Variants in SLC16A1 observed in about 807,000 individuals in gnomAD.
SLC16A1 encodes the protein monocarboxylate transporter 1.
In SLC16A1, 11 loss-of-function variants were observed where a neutral mutation model predicts 32.2. The ratio of observed to expected loss-of-function variants is 0.34; its 90% CI spans 0.21 to 0.56. The LOEUF (loss-of-function observed/expected upper bound fraction) is 0.56, where lower values mean the gene tolerates loss of function less well. Ranked by LOEUF, SLC16A1 falls within the 20% of genes least tolerant of loss-of-function variation. The probability of loss-of-function intolerance (pLI) is 0.87; values close to 1 mark genes in which losing one functional copy is unlikely to be tolerated. For synonymous variants in SLC16A1, 231 were observed against 226.8 expected (o/e 1.02, Z -0.17); for missense variants, 435 against 615.0 (o/e 0.71, Z 3.10).
chr1:112,927,770 A>C (rs1648991998), intron 2 of SLC16A1, among the ~76,000 whole-genome samples: 1 of 152,246 alleles, frequency 6.6e-6, no homozygotes, highest in Non-Finnish European at 1.5e-5. Flanking sequence ...ATGTGCAACT[A>C]ATAAAACTGA....
intron 2 of SLC16A1, among the ~76,000 whole-genome samples, chr1:112,926,017 A>G (rs1648927555): frequency 6.6e-6 from 1 of 152,160 alleles, no homozygotes; most frequent in Admixed American, 6.5e-5. Flanking sequence ...TTATTATTAA[A>G]CTACTTTATA....
chr1:112,937,589 G>A (rs1198549241), intron 1 of SLC16A1, among the ~76,000 whole-genome samples: 3 of 151,892 alleles, frequency 2.0e-5, no homozygotes, highest in Admixed American at 2.0e-4. Context: ...TTTTTAACTG[G>A]CAAATCTCAG....
intron 1 of SLC16A1, among the ~76,000 whole-genome samples, chr1:112,952,240 ATGGCC>A (rs1470155848): frequency 6.6e-6 from 1 of 152,216 alleles, no homozygotes; most frequent in African/African-American, 2.4e-5. Context: ...CGGAGGAAAA[ATGGCC>A]TGGTTCCTTC....
At position 112,952,818 on chromosome 1, in the gene SLC16A1, C is replaced by T. The variant is rs146678584; in HGVS notation, c.-45+3217G>A. On this transcript the variant is annotated intron_variant, in intron 1 of 4. Transcript: ENST00000369626. ...GTTTGAATTTTGTCTCCAAGCCTTA[C>T]AAGCTGAGCAGCCCTGGTCTAGTCA... Among the ~76,000 whole-genome samples the T allele has an allele frequency of 5.3e-3, 805 of 152,346 alleles. 10 individuals carry two copies. The highest frequency in any genetic ancestry group is 0.019 in the African/African-American group (771 of 41,588).
At chr1:112,924,125 C>T (rs1194487385) in intron 2 of SLC16A1, 15 of 1,396,410 alleles carry the variant, frequency 1.1e-5, no homozygotes, top group Non-Finnish European at 1.4e-5. Flanking sequence ...ATGGCGCCAG[C>T]GCCCCCAGCA....
intron 1 of SLC16A1, among the ~76,000 whole-genome samples, chr1:112,941,311 C>T (rs1449348316): frequency 3.9e-5 from 5 of 127,816 alleles, no homozygotes; most frequent in African/African-American, 5.9e-5. Flanking sequence ...GACAGAGTTT[C>T]GCTCTTGCTG....
chr1:112,955,443 GC>G lies in SLC16A1; in HGVS notation c.-45+591del, dbSNP rs1650045988. The G allele has an allele frequency of 3.9e-5, 6 of 152,286 alleles. 1 individual carries two copies. In the South Asian group the frequency reaches 1.2e-3, roughly 32 times the overall value. 9.4% of individuals were successfully genotyped at this position (152,286 alleles called of 1,614,324 possible). On this transcript the variant is annotated intron_variant, in intron 1 of 4. Coordinates refer to ENST00000369626, the MANE Select transcript of SLC16A1 (RefSeq NM_003051.4). ...CACCACTCCCAGGAGTCTGCGGGCTGCCCCGTCCCCTCCGCAAAGTCTACTC... is the reference window on the plus strand; with the variant it reads ...CACCACTCCCAGGAGTCTGCGGGCTGCCCGTCCCCTCCGCAAAGTCTACTC...
intron 1 of SLC16A1, among the ~76,000 whole-genome samples, chr1:112,945,412 C>T (rs1420679154): frequency 4.6e-5 from 7 of 151,974 alleles, no homozygotes; most frequent in African/African-American, 1.7e-4. Context: ...TGGTGGCTCA[C>T]GCCTGTAATC....
rs767509828 is a variant in SLC16A1, at chr1:112,913,943, G to A, written c.1451C>T (p.Pro484Leu). ...CCCTCCATCTGTGTCTTTCTGGTCC[G>A]GAGATTCTGCTGCTTTGGTAACTTC... Reference protein sequence around the residue: ...PNEVTKAAESPDQKDTDGGPK... With the variant: ...PNEVTKAAESLDQKDTDGGPK... The change falls in exon 5 of 5, where the codon CCG becomes CTG. Residue 484 changes from proline to leucine, a missense_variant. This residue lies in a region of SLC16A1 where 111 missense variants were observed against 114.7 expected (regional missense o/e 0.97). Transcript: ENST00000369626. 9.9e-6 allele frequency: 16 copies of A among 1,613,978 alleles called. No individual in the cohort carries two copies. Among genetic ancestry groups the A allele is most frequent in the South Asian group, 7.7e-5 (7 of 91,078 alleles).
In SLC16A1 at chr1:112,912,177, A is replaced by G. The variant is rs1178066211; in HGVS notation, c.*1714T>C. The G allele has an allele frequency of 6.6e-6, 1 of 152,262 alleles. No individual in the cohort carries two copies. The highest frequency in any genetic ancestry group is 2.1e-4 in the South Asian group (1 of 4,838). 9.4% of individuals were successfully genotyped at this position (152,262 alleles called of 1,614,324 possible). A position where few individuals can be genotyped will look rare whatever the true frequency, so the allele number is the denominator to read the frequency against. Reference sequence around the variant, plus strand: ...AAAATTCCCCTCCTCCTTGCCTTACAGCAAAGAAGAGGAAAGGAGAAATTC... The same window carrying G: ...AAAATTCCCCTCCTCCTTGCCTTACGGCAAAGAAGAGGAAAGGAGAAATTC... On this transcript the variant is annotated 3_prime_UTR_variant, in exon 5 of 5. Coordinates refer to ENST00000369626, the MANE Select transcript of SLC16A1 (RefSeq NM_003051.4).
intron 1 of SLC16A1, among the ~76,000 whole-genome samples, chr1:112,940,236 C>T (rs1347448621): frequency 2.6e-5 from 4 of 151,686 alleles, no homozygotes; most frequent in African/African-American, 9.7e-5. Flanking sequence ...TGAAGTTTTG[C>T]CGTGTTTCAC....
intron 1 of SLC16A1, among the ~76,000 whole-genome samples, chr1:112,929,803 C>A (rs1226286255): frequency 6.6e-6 from 1 of 152,160 alleles, no homozygotes; most frequent in Non-Finnish European, 1.5e-5. Flanking sequence ...GCTGTGATTG[C>A]ACCACTGCAC....
intron 1 of SLC16A1, among the ~76,000 whole-genome samples, chr1:112,938,951 CGCGATCTCG>C (rs1256820674): frequency 1.3e-5 from 2 of 150,840 alleles, no homozygotes; most frequent in Non-Finnish European, 2.9e-5. Flanking sequence ...AGTACAATGG[CGCGATCTCG>C]GCTCACTGCA....
At chr1:112,916,699 A>G (rs1171302575) in intron 4 of SLC16A1, among the ~76,000 whole-genome samples, 1 of 151,902 alleles carries the variant, frequency 6.6e-6, no homozygotes, top group African/African-American at 2.4e-5. Context: ...GGAGGCTGAG[A>G]CAAGTGGATC....
At chr1:112,939,910 CAA>C (rs1299096435) in intron 1 of SLC16A1, among the ~76,000 whole-genome samples, 1 of 151,900 alleles carries the variant, frequency 6.6e-6, no homozygotes, top group Non-Finnish European at 1.5e-5. Context: ...TCCCCTGGCA[CAA>C]AAAGACAACA....
chr1:112,917,020 A>AT lies in SLC16A1; in HGVS notation c.1228+157dup. ...TTTAATTAGATTCTATATTTGAGCA[A>AT]TTATGCTGTGCCAAGCATTGTCCCA... On this transcript the variant is annotated intron_variant, in intron 4 of 4. Coordinates refer to ENST00000369626, the MANE Select transcript of SLC16A1 (RefSeq NM_003051.4). The surrounding 1 kb of genome is among the most constrained non-coding windows in gnomAD (Gnocchi z 4.1). 2 of 909,574 alleles carry AT rather than the reference A, an allele frequency of 2.2e-6. No individual in the cohort carries two copies. The highest frequency in any genetic ancestry group is 1.7e-6 in the Non-Finnish European group (1 of 575,754). The allele number at this position is 909,574 out of a possible 1,614,324, so 56.3% of individuals were successfully genotyped here.
At chr1:112,950,216 A>G (rs1649841652) in intron 1 of SLC16A1, among the ~76,000 whole-genome samples, 1 of 152,186 alleles carries the variant, frequency 6.6e-6, no homozygotes, top group South Asian at 2.1e-4. Flanking sequence ...CAATATGCAG[A>G]CCCCAGGATA....
intron 1 of SLC16A1, among the ~76,000 whole-genome samples, chr1:112,938,483 G>A (rs1236234294): frequency 3.3e-5 from 5 of 152,140 alleles, no homozygotes; most frequent in Admixed American, 3.3e-4. Context: ...GCTAGTCAAA[G>A]AAGGAATGTA....
intron 2 of SLC16A1, chr1:112,923,827 A>G (rs1648828196): frequency 6.7e-7 from 1 of 1,500,378 alleles, no homozygotes. Flanking sequence ...TGCAAGAGCA[A>G]TGGCTGGACC....
Sources: gnomAD v4.1 joint callset for allele counts (sites outside exome capture counted in the v4.1 genomes callset) on GRCh38, gnomAD v4.1.1 for gene constraint, gnomAD v4.1.1 regional missense constraint, Gnocchi (gnomAD v3.1) non-coding constraint, MANE v1.5 for transcripts, NCBI Gene and HGNC (gene_info 2026-07-23, HGNC 2026-07-21) for gene names.